The following ATP8A2 variants were observed in gnomAD, a reference collection of about 807,000 sequenced individuals.
ATP8A2 encodes the protein ATPase phospholipid transporting 8A2.
ATP8A2 carries 100 observed loss-of-function variants against 165.6 expected under a neutral mutation model. The ratio of observed to expected loss-of-function variants is 0.60; its 90% CI spans 0.51 to 0.71. The LOEUF is 0.71. ATP8A2 is among the 30% of genes least tolerant of loss of function. The pLI is 0.00. For synonymous variants in ATP8A2, 543 were observed against 548.8 expected (o/e 0.99, Z 0.15); for missense variants, 1,227 against 1,479.5 (o/e 0.83, Z 2.80).
chr13:25,684,747 C>T (rs2042565689), intron 24 of ATP8A2, among the ~76,000 whole-genome samples: 1 of 24,696 alleles, frequency 4.0e-5, no homozygotes, highest in Non-Finnish European at 1.0e-4. Flanking sequence ...AAAACAGAGC[C>T]ACTTCTCTTT....
intron 30 of ATP8A2, among the ~76,000 whole-genome samples, chr13:25,842,062 G>A (rs183113309): frequency 3.3e-5 from 5 of 152,192 alleles, no homozygotes; most frequent in South Asian, 2.1e-4. Flanking sequence ...TGAGCTTTGC[G>A]GGCTGCATTC....
At chr13:25,768,082 G>C (rs191473600) in intron 25 of ATP8A2, among the ~76,000 whole-genome samples, 19 of 136,200 alleles carry the variant, frequency 1.4e-4, no homozygotes, top group Admixed American at 3.6e-4. Flanking sequence ...GGCGTGGGGG[G>C]GGGGTGGTGG....
At chr13:25,389,165 A>G (rs2033157602) in intron 1 of ATP8A2, among the ~76,000 whole-genome samples, 1 of 152,240 alleles carries the variant, frequency 6.6e-6, no homozygotes, top group South Asian at 2.1e-4. Context: ...ACTTCCAGGA[A>G]TTGAAAATAG....
chr13:25,788,284 T>C lies in ATP8A2; in HGVS notation c.2679+13325T>C, dbSNP rs116615862. On this transcript the variant is annotated intron_variant, in intron 27 of 36. Transcript: ENST00000381655. ...ACAGAGTGAGCCTTCCTCTTTGCCA[T>C]TTGCAGTATTTTAAGGTATTTAACA... 6.5e-3 allele frequency among the ~76,000 whole-genome samples: 995 copies of C among 152,346 alleles called. 14 individuals are homozygous for C. The highest frequency in any genetic ancestry group is 0.022 in the African/African-American group (926 of 41,572).
At chr13:25,867,207 T>C (rs962514163) in intron 33 of ATP8A2, among the ~76,000 whole-genome samples, 5 of 151,756 alleles carry the variant, frequency 3.3e-5, no homozygotes, top group African/African-American at 9.7e-5. Flanking sequence ...TACACACTTG[T>C]GTACACACAA....
chr13:26,012,670 GGCGGGGGTTGATGAGGAGTTGGGGGA>G, intron 36 of ATP8A2, 48 bp downstream of exon 36: 1 of 1,340,216 alleles, frequency 7.5e-7, no homozygotes, highest in Non-Finnish European at 9.8e-7. Context: ...GTCGGTGCGG[GGCGGGGGTTGATGAGGAGTTGGGGGA>G]GCGGGCGCTG....
intron 30 of ATP8A2, among the ~76,000 whole-genome samples, chr13:25,856,684 T>C (rs1952175298): frequency 6.6e-6 from 1 of 152,212 alleles, no homozygotes; most frequent in African/African-American, 2.4e-5. Context: ...ATCACCACTA[T>C]GTTTTTCCAA....
chr13:25,466,398 C>T (rs1289277334), intron 1 of ATP8A2, among the ~76,000 whole-genome samples: 2 of 152,130 alleles, frequency 1.3e-5, no homozygotes, highest in Non-Finnish European at 2.9e-5. Flanking sequence ...TTGCCAGGCT[C>T]TTCTGTCTGT....
At chr13:25,935,088 C>A (rs1404405000) in intron 33 of ATP8A2, among the ~76,000 whole-genome samples, 1 of 152,174 alleles carries the variant, frequency 6.6e-6, no homozygotes, top group Non-Finnish European at 1.5e-5. Flanking sequence ...CCAGCAAACA[C>A]CCTACAAAGA....
chr13:25,954,977 A>G (rs1955485361), intron 33 of ATP8A2, among the ~76,000 whole-genome samples: 1 of 152,186 alleles, frequency 6.6e-6, no homozygotes, highest in Non-Finnish European at 1.5e-5. Context: ...CAGCAAGGGA[A>G]CAAAATTGGA....
intron 24 of ATP8A2, among the ~76,000 whole-genome samples, chr13:25,607,105 A>G (rs780955264): frequency 7.9e-5 from 12 of 152,250 alleles, no homozygotes; most frequent in South Asian, 4.1e-4. Flanking sequence ...CATGTGAGGG[A>G]TCTAGGTTAC....
intron 27 of ATP8A2, among the ~76,000 whole-genome samples, chr13:25,777,097 G>A (rs1194665728): frequency 1.3e-5 from 2 of 152,100 alleles, no homozygotes; most frequent in African/African-American, 2.4e-5. Context: ...TATTTCAATT[G>A]TAGCTGAGCA....
At chr13:25,415,754 G>T (rs774537724) in intron 1 of ATP8A2, among the ~76,000 whole-genome samples, 1 of 152,146 alleles carries the variant, frequency 6.6e-6, no homozygotes, top group Non-Finnish European at 1.5e-5. Context: ...CTGATCAAAT[G>T]TCACCTCTTC....
chr13:25,711,948 G>C (rs1159516576), intron 25 of ATP8A2, among the ~76,000 whole-genome samples: 7 of 152,094 alleles, frequency 4.6e-5, no homozygotes, highest in Non-Finnish European at 8.8e-5. Flanking sequence ...CCAGCTGCTG[G>C]GTGTTCACTT....
intron 24 of ATP8A2, among the ~76,000 whole-genome samples, chr13:25,664,354 G>A (rs1351666629): frequency 6.6e-6 from 1 of 152,140 alleles, no homozygotes; most frequent in African/African-American, 2.4e-5. Context: ...ATAAAATGTA[G>A]CAATATTTGA....
chr13:25,642,383 A>T (rs976968775), intron 24 of ATP8A2, among the ~76,000 whole-genome samples: 3 of 152,168 alleles, frequency 2.0e-5, no homozygotes, highest in Admixed American at 6.6e-5. Flanking sequence ...GAATCTACAA[A>T]GAACTCAAAC....
chr13:25,448,041 G>C (rs947294884), intron 1 of ATP8A2, among the ~76,000 whole-genome samples: 1 of 152,148 alleles, frequency 6.6e-6, no homozygotes. Context: ...CACAGGATGG[G>C]GTGTGGTGTG....
rs142823697 is a variant in ATP8A2, at chr13:25,919,133, A to T, written c.3184-42442A>T. Among the ~76,000 whole-genome samples the T allele has an allele frequency of 3.8e-4, 58 of 152,350 alleles. 1 individual carries two copies. In the South Asian group the frequency reaches 5.0e-3, roughly 13 times the overall value. ...AGGAATGTATATTTTTCCAGATATG[A>T]AGCTACCCATCCTTTAATATGTTCT... On this transcript the variant is annotated intron_variant, in intron 33 of 36. Coordinates refer to ENST00000381655, the MANE Select transcript of ATP8A2 (RefSeq NM_016529.6).
intron 28 of ATP8A2, 141 bp from the exon 29 acceptor site, chr13:25,837,022 G>T: frequency 2.0e-6 from 2 of 991,120 alleles, no homozygotes; most frequent in Non-Finnish European, 2.9e-6. Context: ...TCCTTTGTTT[G>T]GAGGGTGTCT....
Sources: gnomAD v4.1 joint callset for allele counts (sites outside exome capture counted in the v4.1 genomes callset) on GRCh38, gnomAD v4.1.1 for gene constraint, MANE v1.5 for transcripts, NCBI Gene and HGNC (gene_info 2026-07-23, HGNC 2026-07-21) for gene names.